Variants in CATSPERE observed in about 807,000 individuals in gnomAD.
CATSPERE encodes the protein cation channel sperm-associated auxiliary subunit epsilon.
Under a neutral mutation model 114.1 loss-of-function variants are expected in CATSPERE, and 93 were observed. The observed-to-expected ratio is 0.81, with a 90% confidence interval of 0.69 to 0.97. The LOEUF (loss-of-function observed/expected upper bound fraction) is 0.97, where lower values mean the gene tolerates loss of function less well. Among genes scored for constraint, CATSPERE ranks in the 50% least tolerant of loss-of-function variants. The pLI is 0.00. For synonymous variants in CATSPERE, 341 were observed against 384.1 expected, an observed-to-expected ratio of 0.89 and a Z score of 1.31; for missense variants, 1,058 against 1,131.6, an observed-to-expected ratio of 0.93 and a Z score of 0.93.
intron 8 of CATSPERE, among the ~76,000 whole-genome samples, chr1:244,526,415 A>T (rs1038980184): frequency 2.0e-5 from 3 of 151,886 alleles, no homozygotes; most frequent in African/African-American, 7.3e-5. Context: ...TCAAAAAGAA[A>T]AAAAAAAAAG....
chr1:244,639,084 C>T (rs551106290), intron 21 of CATSPERE, among the ~76,000 whole-genome samples: 2 of 152,190 alleles, frequency 1.3e-5, no homozygotes, highest in African/African-American at 4.8e-5. Flanking sequence ...TCATCTGGCC[C>T]TGCCCACCTA....
At chr1:244,461,640 GC>G in intron 1 of CATSPERE, 146 bp downstream of exon 1, 1 of 541,640 alleles carries the variant, frequency 1.8e-6, no homozygotes, top group Non-Finnish European at 2.8e-6. Context: ...CCCAACACCA[GC>G]CCCAGTGTCC....
upstream of CATSPERE, chr1:244,461,254 G>C (rs1000989716): frequency 2.8e-5 from 13 of 466,732 alleles, no homozygotes; most frequent in African/African-American, 2.0e-4. Flanking sequence ...CCCAGGTAGC[G>C]GCGCGCACGC....
rs1193716074 is a variant in CATSPERE, at chr1:244,524,690, A to G, written c.536+5992A>G. Among the ~76,000 whole-genome samples the G allele has an allele frequency of 1.3e-3, 203 of 151,554 alleles. 2 individuals are homozygous for G. Among genetic ancestry groups the G allele is most frequent in the African/African-American group, 4.8e-3 (197 of 40,878 alleles). On this transcript the variant is annotated intron_variant, in intron 8 of 21. Coordinates refer to ENST00000366534, the MANE Select transcript of CATSPERE (RefSeq NM_001130957.2). ...AAAAGTGGGCAAAGGAAACGAACAGACACTTCTCAAAAGAAGACATTTATG... is the reference window on the plus strand; with the variant it reads ...AAAAGTGGGCAAAGGAAACGAACAGGCACTTCTCAAAAGAAGACATTTATG...
At chr1:244,458,265 T>C (rs1666339724), upstream of CATSPERE, among the ~76,000 whole-genome samples, 2 of 152,218 alleles carry the variant, frequency 1.3e-5, no homozygotes, top group South Asian at 4.1e-4. Flanking sequence ...TATTGGTATG[T>C]GTTCCAAAAT....
chr1:244,622,780 G>A (rs926759218), intron 20 of CATSPERE, among the ~76,000 whole-genome samples: 7 of 152,086 alleles, frequency 4.6e-5, no homozygotes, highest in Non-Finnish European at 8.8e-5. Flanking sequence ...CTTACTCACC[G>A]ACAAGAGTAT....
At chr1:244,503,354 G>A (rs997735722) in intron 7 of CATSPERE, among the ~76,000 whole-genome samples, 5 of 152,016 alleles carry the variant, frequency 3.3e-5, no homozygotes, top group South Asian at 4.2e-4. Flanking sequence ...TATTAGCCAC[G>A]TCTTTTCAAA....
At chr1:244,623,505 C>A (rs542854743) in intron 20 of CATSPERE, among the ~76,000 whole-genome samples, 1 of 152,152 alleles carries the variant, frequency 6.6e-6, no homozygotes. Context: ...AAGGCAAATT[C>A]AAATCCCAAA....
At chr1:244,516,811 C>A (rs1447804490) in intron 7 of CATSPERE, among the ~76,000 whole-genome samples, 2 of 152,122 alleles carry the variant, frequency 1.3e-5, no homozygotes, top group African/African-American at 4.8e-5. Context: ...CATTGAGCCA[C>A]TGCACCCAGC....
At chr1:244,532,215 T>C (rs558537589) in intron 8 of CATSPERE, among the ~76,000 whole-genome samples, 62 of 152,160 alleles carry the variant, frequency 4.1e-4, no homozygotes, top group African/African-American at 1.4e-3. Flanking sequence ...TCTCTCTTTT[T>C]TTCTTAGTTT....
Position 244,589,482 on chromosome 1 carries a change from G to A in CATSPERE, c.2138+948G>A, listed in dbSNP as rs115113286. Among the ~76,000 whole-genome samples the A allele has an allele frequency of 5.0e-3, 768 of 152,182 alleles. 8 individuals carry two copies. The highest frequency in any genetic ancestry group is 0.018 in the African/African-American group (739 of 41,526). ...AAAAGGCTAGTTGATTTATATAGCC[G>A]GTATCATCCTATTTCAGGGATGATT... is the stretch of plus-strand genomic sequence containing the variant. On this transcript the variant is annotated intron_variant, in intron 14 of 21. Coordinates refer to ENST00000366534, the MANE Select transcript of CATSPERE (RefSeq NM_001130957.2).
intron 7 of CATSPERE, among the ~76,000 whole-genome samples, chr1:244,502,787 T>C (rs1674262135): frequency 6.6e-6 from 1 of 152,278 alleles, no homozygotes; most frequent in Non-Finnish European, 1.5e-5. Context: ...CGTGGACCAC[T>C]AGAGCACAAT....
intron 17 of CATSPERE, among the ~76,000 whole-genome samples, chr1:244,604,972 C>T (rs1572969369): frequency 6.6e-6 from 1 of 152,172 alleles, no homozygotes. Context: ...CTGGTGTCTG[C>T]TGTTGGTAGA....
chr1:244,572,249 AT>A (rs1664572692), intron 10 of CATSPERE, 80 bp from the exon 11 acceptor site: 6 of 704,196 alleles, frequency 8.5e-6, no homozygotes, highest in Non-Finnish European at 1.4e-5. Context: ...CAAAGAAATT[AT>A]TTTGGTTAAA....
At chr1:244,468,799 T>C (rs1372354397) in intron 2 of CATSPERE, among the ~76,000 whole-genome samples, 1 of 152,124 alleles carries the variant, frequency 6.6e-6, no homozygotes, top group Non-Finnish European at 1.5e-5. Context: ...ATGCCTATAG[T>C]CCCAGCTACT....
At chr1:244,506,571 T>C (rs1045732778) in intron 7 of CATSPERE, among the ~76,000 whole-genome samples, 5 of 152,168 alleles carry the variant, frequency 3.3e-5, no homozygotes, top group Non-Finnish European at 1.5e-5. Context: ...TGTTTTGTCT[T>C]TGGAGGAGGG....
intron 9 of CATSPERE, among the ~76,000 whole-genome samples, chr1:244,553,543 T>C (rs1380679026): frequency 3.8e-5 from 5 of 130,984 alleles, no homozygotes; most frequent in African/African-American, 1.5e-4. Context: ...ATCGTGCCAC[T>C]GCACTCCAGC....
intron 8 of CATSPERE, among the ~76,000 whole-genome samples, chr1:244,534,467 A>T (rs1472336791): frequency 6.6e-6 from 1 of 150,824 alleles, no homozygotes; most frequent in African/African-American, 2.4e-5. Flanking sequence ...TCTTTTTTCT[A>T]TTGTCTTCTC....
intron 5 of CATSPERE, among the ~76,000 whole-genome samples, chr1:244,487,791 C>G (rs943145278): frequency 6.6e-6 from 1 of 152,118 alleles, no homozygotes; most frequent in Non-Finnish European, 1.5e-5. Context: ...AGAGAGGCAG[C>G]AGGAGGCGGG....
Sources: gnomAD v4.1 joint callset for allele counts (sites outside exome capture counted in the v4.1 genomes callset) on GRCh38, gnomAD v4.1.1 for gene constraint, MANE v1.5 for transcripts, NCBI Gene and HGNC (gene_info 2026-07-23, HGNC 2026-07-21) for gene names.